Variants in CNTN6 observed in about 807,000 individuals in gnomAD.
CNTN6 encodes contactin 6.
In CNTN6, 137 loss-of-function variants were observed where a neutral mutation model predicts 122.8. That is an observed-to-expected ratio of 1.12 (90% CI 0.97 to 1.29). The LOEUF (loss-of-function observed/expected upper bound fraction) is 1.29. CNTN6 is among the 50% of genes most tolerant of loss of function. CNTN6 has a pLI of 0.00. For missense variants in CNTN6, 1,634 were observed against 1,223.4 expected (o/e 1.34, Z -5.01); for synonymous variants, 570 against 426.0 (o/e 1.34, Z -4.16).
intron 12 of CNTN6, among the ~76,000 whole-genome samples, chr3:1,358,564 T>TGAAAGTTGAA (rs1706963420): frequency 3.9e-5 from 6 of 151,910 alleles, no homozygotes. Context: ...AGCAAGTAGT[T>TGAAAGTTGAA]ACCAAATGCT....
chr3:1,107,570 A>G (rs1470058248), intron 1 of CNTN6, among the ~76,000 whole-genome samples: 1 of 152,124 alleles, frequency 6.6e-6, no homozygotes, highest in Admixed American at 6.6e-5. Flanking sequence ...ACTCCAAAAG[A>G]TCAAAGTAAA....
intron 5 of CNTN6, among the ~76,000 whole-genome samples, chr3:1,291,628 G>A (rs1013332668): frequency 1.3e-5 from 2 of 152,176 alleles, no homozygotes; most frequent in African/African-American, 4.8e-5. Context: ...AGGAGTCAAT[G>A]ACAACAGGGG....
At chr3:1,251,970 T>A (rs901106600) in intron 4 of CNTN6, among the ~76,000 whole-genome samples, 1 of 152,184 alleles carries the variant, frequency 6.6e-6, no homozygotes, top group Non-Finnish European at 1.5e-5. Flanking sequence ...ACTAACTAGA[T>A]GTGTTTCAGT....
chr3:1,122,970 G>C (rs114250852), intron 1 of CNTN6, among the ~76,000 whole-genome samples: 2,501 of 151,844 alleles, frequency 0.016, 78 homozygotes, highest in African/African-American at 0.058. Flanking sequence ...TGAAATGATA[G>C]GGTTACAAGG....
At chr3:1,181,528 G>T (rs2125338610) in intron 2 of CNTN6, among the ~76,000 whole-genome samples, 1 of 152,218 alleles carries the variant, frequency 6.6e-6, no homozygotes, top group African/African-American at 2.4e-5. Context: ...TTTTTAATGA[G>T]CCGAATAACA....
chr3:1,156,281 T>C (rs2092960069), intron 2 of CNTN6, among the ~76,000 whole-genome samples: 1 of 152,208 alleles, frequency 6.6e-6, no homozygotes, highest in Admixed American at 6.5e-5. Context: ...ATCCTCCCAG[T>C]AACATATTCT....
chr3:1,245,417 G>T (rs938831652), intron 4 of CNTN6, among the ~76,000 whole-genome samples: 4 of 141,024 alleles, frequency 2.8e-5, no homozygotes, highest in Admixed American at 2.3e-4. Flanking sequence ...GACTATTATT[G>T]TAAGTGAAGT....
chr3:1,328,089 C>T (rs1701792615), intron 10 of CNTN6, among the ~76,000 whole-genome samples: 1 of 149,946 alleles, frequency 6.7e-6, no homozygotes, highest in Non-Finnish European at 1.5e-5. Flanking sequence ...CAAGTCTATG[C>T]TCAAGGCAGA....
intron 7 of CNTN6, among the ~76,000 whole-genome samples, chr3:1,313,561 C>A (rs1001269290): frequency 1.3e-5 from 2 of 152,044 alleles, no homozygotes; most frequent in African/African-American, 2.4e-5. Flanking sequence ...AACTTGTATT[C>A]AGCTCTATAA....
At chr3:1,278,788 T>G (rs572225994) in intron 5 of CNTN6, among the ~76,000 whole-genome samples, 1 of 152,350 alleles carries the variant, frequency 6.6e-6, no homozygotes, top group Non-Finnish European at 1.5e-5. Flanking sequence ...ACCGCAGCTG[T>G]AATTCGGTGC....
At chr3:1,143,780 T>C (rs1575004929) in intron 1 of CNTN6, among the ~76,000 whole-genome samples, 2 of 152,210 alleles carry the variant, frequency 1.3e-5, no homozygotes, top group Non-Finnish European at 2.9e-5. Context: ...GGCCTCATTA[T>C]AGTATGCTGA....
rs753163316 is a variant in CNTN6, at chr3:1,327,585, A to G, written c.1212A>G (p.Leu404=). ...IIYANAELRV[L]ASAPDFSKSP... ...ATGCAAATGCTGAATTGAGAGTTTT[A>G]GGTAAGTCGTTTATTTACAACCAAC... is the stretch of plus-strand genomic sequence containing the variant. Residue 404 remains leucine, a splice_region_variant and synonymous_variant, in exon 10 of 23, where the codon TTA becomes TTG. Coordinates refer to ENST00000446702, the MANE Select transcript of CNTN6 (RefSeq NM_001289080.2). The G allele has an allele frequency of 1.2e-6, 2 of 1,609,160 alleles. No individual in the cohort carries two copies. Among genetic ancestry groups the G allele is most frequent in the South Asian group, 1.1e-5 (1 of 90,906 alleles).
At chr3:1,242,906 A>T (rs1328324934) in intron 4 of CNTN6, among the ~76,000 whole-genome samples, 2 of 152,278 alleles carry the variant, frequency 1.3e-5, no homozygotes, top group Non-Finnish European at 1.5e-5. Flanking sequence ...CACAACAGTT[A>T]TGGAGGCAAG....
intron 16 of CNTN6, among the ~76,000 whole-genome samples, chr3:1,376,186 C>T (rs1395800984): frequency 1.3e-5 from 2 of 152,086 alleles, no homozygotes; most frequent in African/African-American, 4.8e-5. Flanking sequence ...TAAACACTTA[C>T]GCATGTGTAA....
chr3:1,278,794 G>A (rs749795666), intron 5 of CNTN6, among the ~76,000 whole-genome samples: 13 of 152,096 alleles, frequency 8.5e-5, no homozygotes, highest in Admixed American at 2.0e-4. Context: ...GCTGTAATTC[G>A]GTGCTGTGAC....
intron 7 of CNTN6, 62 bp downstream of exon 7, chr3:1,298,053 T>G (rs1696585741): frequency 1.7e-6 from 2 of 1,200,944 alleles, no homozygotes; most frequent in Non-Finnish European, 2.4e-6. Context: ...ATTAAAAACC[T>G]TTTTGTTATT....
At chr3:1,384,365 T>A (rs1473466799) in intron 19 of CNTN6, among the ~76,000 whole-genome samples, 1 of 152,122 alleles carries the variant, frequency 6.6e-6, no homozygotes, top group African/African-American at 2.4e-5. Context: ...TTGAGAAACC[T>A]GCTTTGTGAA....
At chr3:1,257,059 G>A (rs533033185) in intron 4 of CNTN6, among the ~76,000 whole-genome samples, 58 of 152,228 alleles carry the variant, frequency 3.8e-4, no homozygotes, top group Admixed American at 2.4e-3. Context: ...TGCTTAATAT[G>A]TACCCTTAGC....
chr3:1,114,056 T>C (rs1288801519), intron 1 of CNTN6, among the ~76,000 whole-genome samples: 1 of 152,294 alleles, frequency 6.6e-6, no homozygotes, highest in Non-Finnish European at 1.5e-5. Flanking sequence ...AAAGAGATGA[T>C]TTCCAGCTCG....
Sources: allele counts gnomAD v4.1 joint callset (sites outside exome capture counted in the v4.1 genomes callset), GRCh38; gene constraint gnomAD v4.1.1; transcripts MANE v1.5; gene names NCBI Gene and HGNC (gene_info 2026-07-23, HGNC 2026-07-21).